Variants in CPA6 observed in about 807,000 individuals in gnomAD.
The protein encoded by CPA6 is carboxypeptidase A6.
Under a neutral mutation model 63.3 loss-of-function variants are expected in CPA6, and 58 were observed. The observed-to-expected ratio is 0.92, with a 90% CI of 0.74 to 1.14. CPA6 has a LOEUF of 1.14. CPA6 is among the 50% of genes most tolerant of loss of function. The pLI is 0.00. For synonymous variants in CPA6, 185 were observed against 179.0 expected (o/e 1.03, Z -0.27); for missense variants, 565 against 526.6 (o/e 1.07, Z -0.71).
chr8:67,472,495 G>A (rs544476109), intron 8 of CPA6, among the ~76,000 whole-genome samples: 1 of 151,860 alleles, frequency 6.6e-6, no homozygotes, highest in Admixed American at 6.6e-5. Context: ...CACAGCCTGG[G>A]CTCAGTGCAA....
intron 8 of CPA6, among the ~76,000 whole-genome samples, chr8:67,441,335 T>C (rs1810291090): frequency 6.6e-6 from 1 of 152,226 alleles, no homozygotes; most frequent in African/African-American, 2.4e-5. Flanking sequence ...AAAAGATCTA[T>C]AATTTCAGAA....
intron 2 of CPA6, among the ~76,000 whole-genome samples, chr8:67,562,365 A>T (rs1419759893): frequency 6.6e-6 from 1 of 152,156 alleles, no homozygotes; most frequent in African/African-American, 2.4e-5. Flanking sequence ...AGTTTTGGTT[A>T]AGATTTGCGC....
At chr8:67,531,373 G>A (rs1332628273) in intron 2 of CPA6, among the ~76,000 whole-genome samples, 1 of 151,972 alleles carries the variant, frequency 6.6e-6, no homozygotes, top group African/African-American at 2.4e-5. Context: ...GGTTACCAGA[G>A]ACACATAAAA....
intron 8 of CPA6, among the ~76,000 whole-genome samples, chr8:67,455,464 T>A (rs1354629839): frequency 6.6e-6 from 1 of 151,976 alleles, no homozygotes; most frequent in Non-Finnish European, 1.5e-5. Flanking sequence ...AATATACTTT[T>A]GTAAAGAAGA....
chr8:67,678,941 T>A (rs911736125), intron 1 of CPA6, among the ~76,000 whole-genome samples: 2 of 152,210 alleles, frequency 1.3e-5, no homozygotes, highest in African/African-American at 4.8e-5. Context: ...CTGAATATAA[T>A]GTTGAGTGAA....
chr8:67,447,826 C>T (rs1417919782), intron 8 of CPA6, among the ~76,000 whole-genome samples: 2 of 151,982 alleles, frequency 1.3e-5, no homozygotes, highest in Non-Finnish European at 2.9e-5. Context: ...GCTCTGTCAC[C>T]CAGGCTGGAG....
At chr8:67,713,611 A>G (rs1367457505) in intron 1 of CPA6, among the ~76,000 whole-genome samples, 1 of 152,234 alleles carries the variant, frequency 6.6e-6, no homozygotes, top group African/African-American at 2.4e-5. Context: ...AGTAGTAGAC[A>G]GTAAATGCCC....
chr8:67,481,232 T>C (rs1194542095), intron 8 of CPA6, among the ~76,000 whole-genome samples: 1 of 152,220 alleles, frequency 6.6e-6, no homozygotes, highest in East Asian at 1.9e-4. Flanking sequence ...AAATCAGTGC[T>C]TACAGCATAT....
rs933638329 is a variant in CPA6 at position 67,668,899 on chromosome 8, TAA to T, written c.117-44650_117-44649del. Among the ~76,000 whole-genome samples the T allele has an allele frequency of 3.0e-4, 46 of 152,266 alleles. 1 individual carries two copies. Among genetic ancestry groups the T allele is most frequent in the African/African-American group, 1.1e-3 (44 of 41,542 alleles). The stretch of plus-strand genomic sequence containing the variant: ...CAAATCTTCCTGGGAGGAAGTTTCT[TAA>T]AAGAGGCAGAGTTTGAGCTAAGGCT... On this transcript the variant is annotated intron_variant, in intron 1 of 10. Coordinates refer to ENST00000297770, the MANE Select transcript of CPA6 (RefSeq NM_020361.5).
intron 8 of CPA6, among the ~76,000 whole-genome samples, chr8:67,449,548 G>A (rs983865666): frequency 1.3e-5 from 2 of 152,086 alleles, no homozygotes; most frequent in Admixed American, 6.6e-5. Flanking sequence ...CATTCAATTT[G>A]TACTGATTTG....
chr8:67,663,357 A>T (rs1172722393), intron 1 of CPA6, among the ~76,000 whole-genome samples: 7 of 152,130 alleles, frequency 4.6e-5, no homozygotes, highest in African/African-American at 1.7e-4. Flanking sequence ...TAGCAAGCAC[A>T]AACTTTTTTT....
intron 2 of CPA6, among the ~76,000 whole-genome samples, chr8:67,537,802 C>T (rs1398444802): frequency 6.6e-6 from 1 of 152,110 alleles, no homozygotes; most frequent in Non-Finnish European, 1.5e-5. Flanking sequence ...TAGATCTTTC[C>T]CACTTTCTCT....
chr8:67,637,233 G>A (rs936955057), intron 1 of CPA6, among the ~76,000 whole-genome samples: 1 of 151,586 alleles, frequency 6.6e-6, no homozygotes, highest in East Asian at 1.9e-4. Flanking sequence ...TGTAATGGTT[G>A]ATCAATAAAT....
intron 2 of CPA6, among the ~76,000 whole-genome samples, chr8:67,545,828 G>A (rs1389324820): frequency 6.6e-6 from 1 of 152,070 alleles, no homozygotes; most frequent in Non-Finnish European, 1.5e-5. Context: ...CTCCCAAAGT[G>A]CTGGGATTAC....
chr8:67,470,220 G>T (rs917126584), intron 8 of CPA6, among the ~76,000 whole-genome samples: 1 of 151,780 alleles, frequency 6.6e-6, no homozygotes, highest in African/African-American at 2.4e-5. Context: ...AGTAGAGACG[G>T]GGTTTCCCCA....
chr8:67,559,867 G>GTA (rs1564000458), intron 2 of CPA6, among the ~76,000 whole-genome samples: 6 of 48,544 alleles, frequency 1.2e-4, no homozygotes, highest in African/African-American at 2.7e-4. Context: ...ATATATATAT[G>GTA]TATACACACA....
chr8:67,694,639 C>T (rs1005226200), intron 1 of CPA6, among the ~76,000 whole-genome samples: 3 of 152,186 alleles, frequency 2.0e-5, no homozygotes, highest in Non-Finnish European at 2.9e-5. Flanking sequence ...TCTGCCAGCC[C>T]GCACCTATGG....
intron 1 of CPA6, among the ~76,000 whole-genome samples, chr8:67,661,806 T>G (rs1367797085): frequency 6.6e-6 from 1 of 152,222 alleles, no homozygotes; most frequent in Non-Finnish European, 1.5e-5. Context: ...TATTCTACTG[T>G]CTGTCTCTAT....
At chr8:67,443,228 T>C (rs539122074) in intron 8 of CPA6, among the ~76,000 whole-genome samples, 9 of 152,064 alleles carry the variant, frequency 5.9e-5, no homozygotes, top group African/African-American at 2.2e-4. Context: ...GCCTGGCTAA[T>C]TTTGTATTTT....
Sources: gnomAD v4.1 joint callset for allele counts (sites outside exome capture counted in the v4.1 genomes callset) on GRCh38, gnomAD v4.1.1 for gene constraint, MANE v1.5 for transcripts, NCBI Gene and HGNC (gene_info 2026-07-23, HGNC 2026-07-21) for gene names.